SYNPR: variants seen among roughly 807,000 people sequenced by gnomAD.
The protein encoded by SYNPR is synaptoporin.
Under a neutral mutation model 32.9 loss-of-function variants are expected in SYNPR, and 23 were observed. The observed-to-expected ratio is 0.70, with a 90% CI of 0.50 to 0.99. The LOEUF is 0.99. Ranked by LOEUF, SYNPR falls within the 50% of genes least tolerant of loss-of-function variation. The probability of loss-of-function intolerance (pLI) is 0.00; values close to 1 mark genes in which losing one functional copy is unlikely to be tolerated. For synonymous variants in SYNPR, 146 were observed against 135.9 expected (o/e 1.07, Z -0.52); for missense variants, 318 against 349.3 (o/e 0.91, Z 0.71).
chr3:63,422,699 T>G (rs1699821644), intron 2 of SYNPR, among the ~76,000 whole-genome samples: 1 of 152,102 alleles, frequency 6.6e-6, no homozygotes, highest in African/African-American at 2.4e-5. Flanking sequence ...GGAAACACAG[T>G]GCCGGGGCAG....
intron 2 of SYNPR, among the ~76,000 whole-genome samples, chr3:63,299,029 T>C (rs1159792567): frequency 6.6e-6 from 1 of 152,206 alleles, no homozygotes; most frequent in Non-Finnish European, 1.5e-5. Context: ...ACAACAGATA[T>C]TCCTCAAATA....
chr3:63,410,916 C>T (rs2088456102), intron 2 of SYNPR, among the ~76,000 whole-genome samples: 1 of 152,126 alleles, frequency 6.6e-6, no homozygotes, highest in African/African-American at 2.4e-5. Context: ...GTACCAATGG[C>T]AGGGCAGCAG....
At chr3:63,457,019 C>T (rs1700495295) in intron 2 of SYNPR, among the ~76,000 whole-genome samples, 1 of 152,024 alleles carries the variant, frequency 6.6e-6, no homozygotes, top group Non-Finnish European at 1.5e-5. Context: ...TTGTGGGTGG[C>T]CTAGCTGAGT....
chr3:63,473,278 G>A (rs1418680128), intron 2 of SYNPR, among the ~76,000 whole-genome samples: 1 of 151,928 alleles, frequency 6.6e-6, no homozygotes, highest in African/African-American at 2.4e-5. Flanking sequence ...TTCCCCTAAC[G>A]TGCTCCAATT....
intron 1 of SYNPR, among the ~76,000 whole-genome samples, chr3:63,241,964 C>T (rs2086252168): frequency 6.6e-6 from 1 of 152,028 alleles, no homozygotes; most frequent in Non-Finnish European, 1.5e-5. Flanking sequence ...ACTATAGCTA[C>T]ACCCCCTTTC....
chr3:63,519,714 C>T (rs551170643), intron 3 of SYNPR, among the ~76,000 whole-genome samples: 1 of 152,284 alleles, frequency 6.6e-6, no homozygotes, highest in East Asian at 1.9e-4. Context: ...CATCTATTCC[C>T]CAAACCTGAT....
At chr3:63,514,021 G>A (rs1701746426) in intron 3 of SYNPR, among the ~76,000 whole-genome samples, 1 of 152,044 alleles carries the variant, frequency 6.6e-6, no homozygotes, top group Non-Finnish European at 1.5e-5. Context: ...CCCCACCACT[G>A]CTGCTTCAAG....
At chr3:63,201,424 T>C in the SYNPR span, among the ~76,000 whole-genome samples, 17 of 152,310 alleles carry the variant, frequency 1.1e-4, no homozygotes, top group African/African-American at 4.1e-4. Flanking sequence ...GTCTGCAAAA[T>C]ATGTGTCTCT....
At chr3:63,262,000 A>C (rs2086441956) in intron 2 of SYNPR, among the ~76,000 whole-genome samples, 1 of 147,432 alleles carries the variant, frequency 6.8e-6, no homozygotes, top group Admixed American at 7.0e-5. Context: ...CACGTTGTGC[A>C]CATGTACCCT....
Position 63,411,497 on chromosome 3 carries a change from A to G in SYNPR, c.85-69335A>G, listed in dbSNP as rs377020247. Among the ~76,000 whole-genome samples the G allele has an allele frequency of 2.0e-4, 31 of 152,298 alleles. No homozygotes were observed. In the East Asian group the frequency reaches 5.4e-3, roughly 27 times the overall value. On this transcript the variant is annotated intron_variant, in intron 2 of 5. Transcript: ENST00000478300. ...GCTGATCATACCAATGGACAAATAT[A>G]TAACTACAAACTGATAATAAAAGAA...
chr3:63,460,734 G>C (rs1700569583), intron 2 of SYNPR, among the ~76,000 whole-genome samples: 1 of 152,068 alleles, frequency 6.6e-6, no homozygotes, highest in South Asian at 2.1e-4. Context: ...AATCTATCTG[G>C]CAGGCAATGG....
chr3:63,420,721 G>T (rs1403968090), intron 2 of SYNPR, among the ~76,000 whole-genome samples: 1 of 151,806 alleles, frequency 6.6e-6, no homozygotes, highest in Admixed American at 6.6e-5. Context: ...TTTATATGAC[G>T]AAGGATATCA....
chr3:63,501,693 G>A (rs1701485556), intron 3 of SYNPR, among the ~76,000 whole-genome samples: 2 of 152,074 alleles, frequency 1.3e-5, no homozygotes, highest in Admixed American at 6.6e-5. Flanking sequence ...AGTAGGATAT[G>A]ATGACTTTAA....
chr3:63,497,728 T>C (rs964952479), intron 3 of SYNPR, among the ~76,000 whole-genome samples: 1 of 152,154 alleles, frequency 6.6e-6, no homozygotes, highest in Non-Finnish European at 1.5e-5. Context: ...TACAGATTTT[T>C]AAAAAGTAAA....
chr3:63,260,472 A>G (rs2086428711), intron 2 of SYNPR, among the ~76,000 whole-genome samples: 1 of 152,152 alleles, frequency 6.6e-6, no homozygotes, highest in Non-Finnish European at 1.5e-5. Context: ...AATGGGGAAA[A>G]GATTCTTTAT....
At chr3:63,207,991 C>T in the SYNPR span, among the ~76,000 whole-genome samples, 1 of 151,980 alleles carries the variant, frequency 6.6e-6, no homozygotes, top group South Asian at 2.1e-4. Context: ...TTGAGATGGT[C>T]AGAAATAAAT....
At chr3:63,293,393 C>CA (rs927040379) in intron 2 of SYNPR, among the ~76,000 whole-genome samples, 1 of 152,146 alleles carries the variant, frequency 6.6e-6, no homozygotes, top group Non-Finnish European at 1.5e-5. Flanking sequence ...ACAAAATAAG[C>CA]AAAAATTAGT....
intron 3 of SYNPR, among the ~76,000 whole-genome samples, chr3:63,520,601 A>C (rs1414357588): frequency 6.6e-6 from 1 of 151,454 alleles, no homozygotes; most frequent in African/African-American, 2.4e-5. Context: ...TGAACCCAGG[A>C]GGCGGAGGTT....
intron 3 of SYNPR, among the ~76,000 whole-genome samples, chr3:63,503,073 G>A (rs1488167084): frequency 6.6e-6 from 1 of 152,134 alleles, no homozygotes; most frequent in East Asian, 1.9e-4. Context: ...AAGTAGCTGA[G>A]CCATTTTGCA....
Sources: allele counts gnomAD v4.1 joint callset (sites outside exome capture counted in the v4.1 genomes callset), GRCh38; gene constraint gnomAD v4.1.1; transcripts MANE v1.5; gene names NCBI Gene and HGNC (gene_info 2026-07-23, HGNC 2026-07-21).